MECR: variants seen among roughly 807,000 people sequenced by gnomAD.
MECR encodes mitochondrial trans-2-enoyl-CoA reductase.
Under a neutral mutation model 49.1 loss-of-function variants are expected in MECR, and 37 were observed. The ratio of observed to expected loss-of-function variants is 0.75; its 90% CI spans 0.58 to 0.99. The LOEUF is 0.99. Among genes scored for constraint, MECR ranks in the 50% least tolerant of loss-of-function variants. MECR has a pLI of 0.00. For missense variants in MECR, 470 were observed against 479.6 expected (o/e 0.98, Z 0.19); for synonymous variants, 198 against 191.1 (o/e 1.04, Z -0.30).
At chr1:29,212,204 A>G (rs758566391) in intron 3 of MECR, among the ~76,000 whole-genome samples, 1 of 152,192 alleles carries the variant, frequency 6.6e-6, no homozygotes, top group Non-Finnish European at 1.5e-5. Flanking sequence ...AGATCACCTG[A>G]GGTCAGGAGT....
rs141189030 is a variant in MECR, at chr1:29,204,734, A to G, written c.551-1501T>C. On this transcript the variant is annotated intron_variant, in intron 4 of 9. Coordinates refer to ENST00000263702, the MANE Select transcript of MECR (RefSeq NM_016011.5). ...CGTCGAAATGCCTAGATCTGTTACT[A>G]CAGCTGCAGCCTAAATGGGAGGTGG... 7.4e-3 allele frequency among the ~76,000 whole-genome samples: 1,122 copies of G among 152,288 alleles called. 2 individuals carry two copies. The highest frequency in any genetic ancestry group is 9.9e-3 in the Non-Finnish European group (673 of 68,030).
chr1:29,184,281 TCTC>T, the MECR span, among the ~76,000 whole-genome samples: 1 of 149,198 alleles, frequency 6.7e-6, no homozygotes, highest in Non-Finnish European at 1.5e-5. Context: ...TTCAAGCAAT[TCTC>T]CTGCCTCAGC....
At chr1:29,170,188 G>A in the MECR span, 2 of 152,064 alleles carry the variant, frequency 1.3e-5, no homozygotes, top group Non-Finnish European at 2.9e-5. Context: ...CAAAAAAGGG[G>A]AATCAACTAT....
rs1284537344 is a variant in MECR at position 29,201,251 on chromosome 1, C to G, written c.757-662G>C. On this transcript the variant is annotated intron_variant, in intron 6 of 9. Transcript: ENST00000263702. This position sits in a 1 kb window ranked among gnomAD's most constrained non-coding sequence, Gnocchi z 4.3. ...CCCCCTTTTCAGTTCTTTGACTCAG[C>G]TGATATTATATATGCTGATCTACTG... 1 of 369,748 alleles carries G rather than the reference C, an allele frequency of 2.7e-6. No individual in the cohort carries two copies. Among genetic ancestry groups the G allele is most frequent in the Non-Finnish European group, 5.5e-6 (1 of 181,120 alleles). The allele number at this position is 369,748 out of a possible 1,614,324, so 22.9% of individuals were successfully genotyped here. A position where few individuals can be genotyped will look rare whatever the true frequency, so the allele number is the denominator to read the frequency against.
At chr1:29,213,128 A>T (rs541844236) in intron 3 of MECR, among the ~76,000 whole-genome samples, 1 of 152,290 alleles carries the variant, frequency 6.6e-6, no homozygotes, top group Admixed American at 6.5e-5. Context: ...ACTGTATTGT[A>T]TTAAGTGTTG....
At chr1:29,189,878 C>A (rs1299241492), downstream of MECR, among the ~76,000 whole-genome samples, 1 of 152,170 alleles carries the variant, frequency 6.6e-6, no homozygotes, top group Non-Finnish European at 1.5e-5. Flanking sequence ...TAAACTGCCA[C>A]GATTCCCTTT....
chr1:29,194,243 G>A (rs1367054750), intron 9 of MECR, 64 bp from the exon 10 acceptor site: 16 of 1,516,282 alleles, frequency 1.1e-5, no homozygotes, highest in African/African-American at 2.8e-5. Context: ...GATGTGGCAC[G>A]GGGCTGCCCT....
chr1:29,170,147 A>T, the MECR span: 2 of 152,166 alleles, frequency 1.3e-5, no homozygotes, highest in Non-Finnish European at 2.9e-5. Flanking sequence ...GACACTTTTC[A>T]ACACTAAGGA....
chr1:29,196,893 C>T (rs915667396), intron 7 of MECR, among the ~76,000 whole-genome samples: 1 of 150,324 alleles, frequency 6.7e-6, no homozygotes, highest in African/African-American at 2.5e-5. Flanking sequence ...CCTGTGGCCC[C>T]ACTCAGGAGG....
intron 1 of MECR, among the ~76,000 whole-genome samples, chr1:29,218,699 C>G (rs1680062905): frequency 6.6e-6 from 1 of 152,158 alleles, no homozygotes; most frequent in South Asian, 2.1e-4. Context: ...AGTGAAACCC[C>G]ATCTCTTCTA....
intron 3 of MECR, among the ~76,000 whole-genome samples, chr1:29,210,004 C>T (rs2151881158): frequency 7.1e-6 from 1 of 140,946 alleles, no homozygotes; most frequent in South Asian, 2.3e-4. Context: ...GGACAGGAGG[C>T]AGGAACACTT....
the MECR span, chr1:29,171,156 C>A: frequency 6.6e-6 from 1 of 152,040 alleles, no homozygotes; most frequent in Non-Finnish European, 1.5e-5. Flanking sequence ...GCTGATACCA[C>A]CTTACAGCTT....
chr1:29,226,897 G>A (rs1295361564), intron 1 of MECR, among the ~76,000 whole-genome samples: 1 of 151,248 alleles, frequency 6.6e-6, no homozygotes, highest in Non-Finnish European at 1.5e-5. Context: ...AGTTCTGAGC[G>A]GACTTTCAGG....
the MECR span, among the ~76,000 whole-genome samples, chr1:29,184,124 T>C: frequency 4.0e-5 from 6 of 149,786 alleles, no homozygotes; most frequent in African/African-American, 1.5e-4. Flanking sequence ...GTGATCTGCC[T>C]GCCTCGGCCT....
chr1:29,191,878 G>T (rs1673143187), downstream of MECR, among the ~76,000 whole-genome samples: 1 of 152,168 alleles, frequency 6.6e-6, no homozygotes, highest in African/African-American at 2.4e-5. Flanking sequence ...TGGATCACGA[G>T]GTCAGGAGTT....
At chr1:29,200,399 A>G (rs1675023188) in intron 7 of MECR, 117 bp downstream of exon 7, 2 of 904,852 alleles carry the variant, frequency 2.2e-6, no homozygotes, top group East Asian at 2.7e-5. Context: ...TCCACTCAAC[A>G]TTGTGCTGAC....
At chr1:29,206,094 G>A (rs781773293) in intron 4 of MECR, among the ~76,000 whole-genome samples, 6 of 152,150 alleles carry the variant, frequency 3.9e-5, no homozygotes, top group Admixed American at 2.0e-4. Context: ...TATAAGCAGC[G>A]GACAGTCTCT....
At chr1:29,195,221 C>T (rs1673668458) in intron 9 of MECR, among the ~76,000 whole-genome samples, 1 of 152,226 alleles carries the variant, frequency 6.6e-6, no homozygotes, top group African/African-American at 2.4e-5. Context: ...ACCCAATTTT[C>T]CAGCCCCAGC....
In MECR at chr1:29,206,901, G is replaced by C. The variant is rs1279947734; in HGVS notation, c.411C>G (p.Thr137=). The C allele has an allele frequency of 3.1e-6, 5 of 1,613,960 alleles. No homozygotes were observed. Among genetic ancestry groups the C allele is most frequent in the Non-Finnish European group, 4.2e-6 (5 of 1,179,998 alleles). ...WVIPANAGLG[T]WRTEAVFSEE... is the part of the protein sequence containing the mutation. ...CGCTGAACACAGCCTCGGTCCGCCA[G>C]GTTCCTGAGTCAGAAGATGAAGCCA... The change falls in exon 4 of 10, where the codon ACC becomes ACG. Residue 137 remains threonine (T), a synonymous_variant. Coordinates refer to ENST00000263702, the MANE Select transcript of MECR (RefSeq NM_016011.5).
Sources: gnomAD v4.1 joint callset for allele counts (sites outside exome capture counted in the v4.1 genomes callset) on GRCh38, gnomAD v4.1.1 for gene constraint, Gnocchi (gnomAD v3.1) non-coding constraint, MANE v1.5 for transcripts, NCBI Gene and HGNC (gene_info 2026-07-23, HGNC 2026-07-21) for gene names.